The following POLD3 variants were observed in gnomAD, a reference collection of about 807,000 sequenced individuals.
The protein encoded by POLD3 is DNA polymerase delta 3, accessory subunit.
A neutral mutation model predicts 58.2 loss-of-function variants in POLD3; 19 were observed. That is an observed-to-expected ratio of 0.33 (90% CI 0.23 to 0.48). The LOEUF (loss-of-function observed/expected upper bound fraction) is 0.48. Among genes scored for constraint, POLD3 ranks in the 20% least tolerant of loss-of-function variants. The pLI, the probability that POLD3 is intolerant of heterozygous loss-of-function variation, is 0.99. For missense variants in POLD3, 504 were observed against 545.5 expected (o/e 0.92, Z 0.76); for synonymous variants, 172 against 193.5 (o/e 0.89, Z 0.92).
Position 74,612,890 on chromosome 11 carries a change from A to G in POLD3, c.272A>G (p.Lys91Arg). ...REDKLEAVKS[K>R]LAVTASIHVY... ...TGTTGACTTGTAGCAGTGAAGTCCAAGCTAGCTGTGACTGCCAGCATCCAT... is the reference window on the plus strand; with the variant it reads ...TGTTGACTTGTAGCAGTGAAGTCCAGGCTAGCTGTGACTGCCAGCATCCAT... Residue 91 changes from lysine to arginine, a missense_variant, in exon 5 of 12, where the codon AAG (lysine) becomes AGG (arginine). By Grantham distance (26) the Lys-to-Arg change is conservative (BLOSUM62 2). Transcript: ENST00000263681. 1 of 1,611,820 alleles carries G rather than the reference A, an allele frequency of 6.2e-7. No homozygotes were observed. Among genetic ancestry groups the G allele is most frequent in the Non-Finnish European group, 8.5e-7 (1 of 1,179,168 alleles).
rs2032902368 is a variant in POLD3 at position 74,641,109 on chromosome 11, T to C, written c.*343T>C. ...ACTGTGCTCCACTCACCCTATGCCC[T>C]GGTCCGCATATGGCACAGGAATTAT... On this transcript the variant is annotated 3_prime_UTR_variant, in exon 12 of 12. Coordinates refer to ENST00000263681, the MANE Select transcript of POLD3 (RefSeq NM_006591.3). 2 of 1,008,562 alleles carry C rather than the reference T, an allele frequency of 2.0e-6. No individual in the cohort carries two copies. The highest frequency in any genetic ancestry group is 2.4e-6 in the Non-Finnish European group (2 of 845,710). The allele number at this position is 1,008,562 out of a possible 1,614,324, so 62.5% of individuals were successfully genotyped here.
intron 4 of POLD3, among the ~76,000 whole-genome samples, chr11:74,659,539 G>A (rs190947726): frequency 1.4e-4 from 21 of 152,096 alleles, no homozygotes; most frequent in Non-Finnish European, 2.2e-4. Context: ...ATGCTGTTTC[G>A]CTTTTAAAAC....
At chr11:74,620,369 C>T (rs934804975) in intron 7 of POLD3, among the ~76,000 whole-genome samples, 2 of 152,074 alleles carry the variant, frequency 1.3e-5, no homozygotes, top group Non-Finnish European at 2.9e-5. Flanking sequence ...TCATAGGGCC[C>T]TTGAAAATGG....
Position 74,625,456 on chromosome 11 carries a change from A to C in POLD3, c.782A>C (p.Lys261Thr), listed in dbSNP as rs1187932756. ...LDSEQAVKEE[K>T]IVEQPTVSVT... The stretch of plus-strand genomic sequence containing the variant: ...TCAGAACAAGCAGTGAAAGAAGAAA[A>C]AATAGTGGAGCAGCCTACAGTGTCT... Residue 261 changes from lysine (K) to threonine (T), a missense_variant, in exon 8 of 12, where the codon AAA (lysine) becomes ACA (threonine). This residue lies in a region of POLD3 where 385 missense variants were observed against 370.5 expected (regional missense o/e 1.04). Transcript: ENST00000263681. 6.2e-7 allele frequency: 1 copy of C among 1,613,580 alleles called. No homozygotes were observed. The highest frequency in any genetic ancestry group is 8.5e-7 in the Non-Finnish European group (1 of 1,179,720).
chr11:74,662,547 A>G (rs2033218344), intron 4 of POLD3, among the ~76,000 whole-genome samples: 1 of 152,022 alleles, frequency 6.6e-6, no homozygotes, highest in Non-Finnish European at 1.5e-5. Context: ...CTGAGCTGGT[A>G]TCCAAAATGC....
rs367670875 is a variant in POLD3 at position 74,635,042 on chromosome 11, G to C, written c.1119+347G>C. ...AGAGCAACACGTGAAAGACAGAGGG[G>C]AACAAACAACTTAACACACGTTTGT... On this transcript the variant is annotated intron_variant, in intron 10 of 11. Coordinates refer to ENST00000263681, the MANE Select transcript of POLD3 (RefSeq NM_006591.3). Among the ~76,000 whole-genome samples, 110 of 152,282 alleles carry C rather than the reference G, an allele frequency of 7.2e-4. No homozygotes were observed. The South Asian group carries it at 0.017, about 24-fold the overall frequency.
At chr11:74,647,918 C>G (rs576485412), downstream of POLD3, among the ~76,000 whole-genome samples, 93 of 152,256 alleles carry the variant, frequency 6.1e-4, no homozygotes, top group African/African-American at 2.1e-3. Context: ...TTACCACGGG[C>G]TCAAATTTTT....
At position 74,629,273 on chromosome 11, in the gene POLD3, A is replaced by G. The variant is rs201575276; in HGVS notation, c.956A>G (p.Lys319Arg). The change falls in exon 9 of 12, where the codon AAA becomes AGA. Residue 319 changes from lysine to arginine, a missense_variant. Transcript: ENST00000263681. ...ACAAAGGAAACTGAAAACATGAGGA[A>G]AAAGAGGAGAAGAATCAAACTTCCT... ...DETKETENMR[K>R]KRRRIKLPES... 774 of 1,609,634 alleles carry G rather than the reference A, an allele frequency of 4.8e-4. No individual in the cohort carries two copies. The highest frequency in any genetic ancestry group is 6.0e-4 in the Non-Finnish European group (709 of 1,177,450).
intron 4 of POLD3, among the ~76,000 whole-genome samples, chr11:74,653,866 A>G (rs549343459): frequency 4.8e-4 from 73 of 152,308 alleles, no homozygotes; most frequent in Non-Finnish European, 9.6e-4. Flanking sequence ...TAATTGTCTC[A>G]TGGTTCTGCA....
chr11:74,607,200 AAAG>A (rs1248827126), intron 3 of POLD3, among the ~76,000 whole-genome samples: 1 of 150,728 alleles, frequency 6.6e-6, no homozygotes, highest in Non-Finnish European at 1.5e-5. Flanking sequence ...TAGAAAGAAA[AAAG>A]ACATTACGCA....
intron 9 of POLD3, among the ~76,000 whole-genome samples, chr11:74,632,503 T>A (rs2032622656): frequency 6.6e-6 from 1 of 152,324 alleles, no homozygotes; most frequent in Non-Finnish European, 1.5e-5. Flanking sequence ...AGTACATGAA[T>A]GGCGGCACGT....
Position 74,641,693 on chromosome 11 carries a change from T to A in POLD3, c.*927T>A, listed in dbSNP as rs1432249160. On this transcript the variant is annotated 3_prime_UTR_variant, in exon 12 of 12. Transcript: ENST00000263681. ...TACAGTGTGCTACATTTACAAAAAA[T>A]TTCTCCTTAAGAAAACAGAATATTC... 1 of 985,080 alleles carries A rather than the reference T, an allele frequency of 1.0e-6. No homozygotes were observed. The highest frequency in any genetic ancestry group is 6.2e-5 in the Admixed American group (1 of 16,250). The allele number at this position is 985,080 out of a possible 1,614,324, so 61.0% of individuals were successfully genotyped here. A position where few individuals can be genotyped will look rare whatever the true frequency, so the allele number is the denominator to read the frequency against.
chr11:74,600,496 TAGCC>T (rs2031450947), intron 2 of POLD3, among the ~76,000 whole-genome samples: 1 of 151,342 alleles, frequency 6.6e-6, no homozygotes, highest in Non-Finnish European at 1.5e-5. Flanking sequence ...TACAAAAAAT[TAGCC>T]AGCGTGTGCC....
chr11:74,625,597 G>T (rs1401802885), intron 8 of POLD3, 24 bp downstream of exon 8: 1 of 1,594,022 alleles, frequency 6.3e-7, no homozygotes, highest in Admixed American at 1.8e-5. Flanking sequence ...GTTGCTTATT[G>T]GGGAAGAGTC....
At chr11:74,610,784 CT>C (rs1192728837) in intron 3 of POLD3, among the ~76,000 whole-genome samples, 1 of 151,442 alleles carries the variant, frequency 6.6e-6, no homozygotes, top group Non-Finnish European at 1.5e-5. Flanking sequence ...GTGTTCTTCT[CT>C]TTTTTTTGAG....
At chr11:74,631,619 G>A (rs2032594013) in intron 9 of POLD3, among the ~76,000 whole-genome samples, 2 of 151,678 alleles carry the variant, frequency 1.3e-5, no homozygotes, top group African/African-American at 4.8e-5. Context: ...GAGTAGCCAG[G>A]ATTACAGGTG....
chr11:74,622,585 A>G lies in POLD3; in HGVS notation c.733+2496A>G, dbSNP rs75894681. 9.2e-3 allele frequency among the ~76,000 whole-genome samples: 1,398 copies of G among 152,316 alleles called. 20 individuals are homozygous for G. The highest frequency in any genetic ancestry group is 0.032 in the African/African-American group (1,328 of 41,568). ...AGTAAAATTATGACTTTTTTATTGT[A>G]TTCGACACATGACAAGATCATTACA... On this transcript the variant is annotated intron_variant, in intron 7 of 11. Coordinates refer to ENST00000263681, the MANE Select transcript of POLD3 (RefSeq NM_006591.3).
At chr11:74,600,882 G>A (rs529323311) in intron 2 of POLD3, among the ~76,000 whole-genome samples, 4 of 151,926 alleles carry the variant, frequency 2.6e-5, no homozygotes, top group South Asian at 2.1e-4. Flanking sequence ...CATGTGCCCG[G>A]CTAATTTTGT....
Position 74,640,756 on chromosome 11 carries a change from A to T in POLD3, c.1391A>T (p.Gln464Leu). ...CAGGTGTCCATTACTGGCTTCTTCC[A>T]GAGGAAATAAACTGCCATCTCTGGT... is the stretch of plus-strand genomic sequence containing the variant. ...NRQVSITGFFQRK is the reference protein window; with the variant it reads ...NRQVSITGFFLRK Residue 464 changes from glutamine (Q) to leucine (L), a missense_variant, in exon 12 of 12, where the codon CAG (glutamine) becomes CTG (leucine). Physicochemically the swap from Gln to Leu is moderately radical, Grantham distance 113. Around this residue, in one of 2 missense-constraint regions of POLD3, gnomAD observed 385 missense variants for 370.5 expected, o/e 1.04. Transcript: ENST00000263681. The T allele has an allele frequency of 6.3e-7, 1 of 1,588,708 alleles. No individual in the cohort carries two copies. The highest frequency in any genetic ancestry group is 8.5e-7 in the Non-Finnish European group (1 of 1,171,038).
Sources: gnomAD v4.1 joint callset for allele counts (sites outside exome capture counted in the v4.1 genomes callset) on GRCh38, gnomAD v4.1.1 for gene constraint, gnomAD v4.1.1 regional missense constraint, MANE v1.5 for transcripts, NCBI Gene and HGNC (gene_info 2026-07-23, HGNC 2026-07-21) for gene names.